The following ST3GAL2 variants were observed in gnomAD, a reference collection of about 807,000 sequenced individuals.
ST3GAL2 encodes ST3 beta-galactoside alpha-2,3-sialyltransferase 2, also known as CMP-N-acetylneuraminate-beta-galactosamide-alpha-2,3-sialyltransferase 2.
Under a neutral mutation model 37.5 loss-of-function variants are expected in ST3GAL2, and 16 were observed. The ratio of observed to expected loss-of-function variants is 0.43; its 90% confidence interval spans 0.29 to 0.65. The LOEUF (loss-of-function observed/expected upper bound fraction) is 0.65, where lower values mean the gene tolerates loss of function less well. Ranked by LOEUF, ST3GAL2 falls within the 30% of genes least tolerant of loss-of-function variation. The probability of loss-of-function intolerance (pLI) is 0.17; values close to 1 mark genes in which losing one functional copy is unlikely to be tolerated. For synonymous variants in ST3GAL2, 238 were observed against 202.9 expected (o/e 1.17, Z -1.47); for missense variants, 383 against 487.8 (o/e 0.79, Z 2.02).
At chr16:70,400,908 G>A (rs972129193) in intron 1 of ST3GAL2, 7 of 152,264 alleles carry the variant, frequency 4.6e-5, no homozygotes, top group African/African-American at 7.2e-5. Flanking sequence ...TGGCTCAAAG[G>A]TGCTTCTTCC....
At chr16:70,416,680 C>T (rs967916244) in intron 1 of ST3GAL2, among the ~76,000 whole-genome samples, 6 of 151,908 alleles carry the variant, frequency 3.9e-5, no homozygotes, top group Non-Finnish European at 7.4e-5. Flanking sequence ...TATTCTGCCC[C>T]CACTTTTCCA....
chr16:70,424,133 T>C (rs1211859424), intron 1 of ST3GAL2, among the ~76,000 whole-genome samples: 2 of 150,198 alleles, frequency 1.3e-5, no homozygotes, highest in East Asian at 2.1e-4. Context: ...ATCACAGGCA[T>C]GCGCCATGAC....
intron 1 of ST3GAL2, among the ~76,000 whole-genome samples, chr16:70,415,110 G>T (rs1002826810): frequency 6.6e-6 from 1 of 152,088 alleles, no homozygotes. Flanking sequence ...TCCTTACCTC[G>T]TGATCCACCT....
At chr16:70,401,701 A>G (rs979710834) in intron 1 of ST3GAL2, among the ~76,000 whole-genome samples, 2 of 152,060 alleles carry the variant, frequency 1.3e-5, no homozygotes, top group African/African-American at 2.4e-5. Flanking sequence ...CAATATAAAG[A>G]GCTCGGAGGA....
intron 2 of ST3GAL2, 75 bp from the exon 3 acceptor site, chr16:70,395,250 TC>T (rs1474709212): frequency 7.4e-7 from 1 of 1,351,896 alleles, no homozygotes; most frequent in East Asian, 2.4e-5. Flanking sequence ...CGGCCTCCCC[TC>T]CTCTGCCCTC....
In ST3GAL2 at chr16:70,430,476, C is replaced by T. The variant is rs1237909787; in HGVS notation, c.-1004+8473G>A. On this transcript the variant is annotated intron_variant, in intron 1 of 6. Coordinates refer to ENST00000342907, the MANE Select transcript of ST3GAL2 (RefSeq NM_006927.4). ...CTCCTTGACACAAACTATTGACCTG[C>T]TTCCCATGCCACAGCCTCTTCCCGT... Among the ~76,000 whole-genome samples, 3 of 152,226 alleles carry T rather than the reference C, an allele frequency of 2.0e-5. No individual in the cohort carries two copies. In the South Asian group the frequency reaches 6.2e-4, roughly 32 times the overall value.
intron 1 of ST3GAL2, among the ~76,000 whole-genome samples, chr16:70,405,656 G>T (rs950348269): frequency 3.9e-5 from 6 of 151,906 alleles, no homozygotes; most frequent in Non-Finnish European, 1.5e-5. Context: ...ACAGACAGTA[G>T]ATTACCAGTT....
chr16:70,408,541 G>A (rs930409422), intron 1 of ST3GAL2, among the ~76,000 whole-genome samples: 1 of 152,006 alleles, frequency 6.6e-6, no homozygotes, highest in Non-Finnish European at 1.5e-5. Flanking sequence ...GAAGTCACCC[G>A]CACTGCAACA....
At chr16:70,424,214 C>T (rs2047735334) in intron 1 of ST3GAL2, among the ~76,000 whole-genome samples, 2 of 140,256 alleles carry the variant, frequency 1.4e-5, no homozygotes, top group African/African-American at 5.2e-5. Context: ...AGACTGGTCT[C>T]GAACTCCCGA....
intron 1 of ST3GAL2, chr16:70,400,316 G>T (rs909398942): frequency 6.6e-6 from 1 of 152,360 alleles, no homozygotes; most frequent in African/African-American, 2.4e-5. Flanking sequence ...CATGCCAAGC[G>T]TGAGGGAGCC....
chr16:70,400,812 G>A (rs150426891), intron 1 of ST3GAL2: 1 of 152,386 alleles, frequency 6.6e-6, no homozygotes, highest in Non-Finnish European at 1.5e-5. Context: ...GAGATGTGGA[G>A]TTGGCTTCTC....
intron 1 of ST3GAL2, chr16:70,400,204 C>T (rs1020129540): frequency 1.3e-5 from 2 of 152,356 alleles, no homozygotes; most frequent in Non-Finnish European, 2.9e-5. Context: ...CCTGGTAGCA[C>T]TGACAGCCTG....
intron 1 of ST3GAL2, among the ~76,000 whole-genome samples, chr16:70,438,419 A>G (rs138210796): frequency 0.022 from 3,316 of 152,272 alleles, 54 homozygotes; most frequent in Non-Finnish European, 0.035. Context: ...TCCCCAAAGT[A>G]GGAAGGTCGA....
rs191158232 is a variant in ST3GAL2 at position 70,406,013 on chromosome 16, A to G, written c.-1003-6480T>C. Among the ~76,000 whole-genome samples, 972 of 151,794 alleles carry G rather than the reference A, an allele frequency of 6.4e-3. 13 individuals are homozygous for G. The highest frequency in any genetic ancestry group is 0.022 in the African/African-American group (907 of 41,342). On this transcript the variant is annotated intron_variant, in intron 1 of 6. Transcript: ENST00000342907. ...GAGGCAGAGCTTGCAGTGAGCCGAGATCATGCCACTGCACTCCGGCCTGGG... is the reference window on the plus strand; with the variant it reads ...GAGGCAGAGCTTGCAGTGAGCCGAGGTCATGCCACTGCACTCCGGCCTGGG...
chr16:70,384,716 A>C (rs1247132126), intron 4 of ST3GAL2, among the ~76,000 whole-genome samples: 1 of 150,468 alleles, frequency 6.6e-6, no homozygotes, highest in Non-Finnish European at 1.5e-5. Context: ...AAAAAAAAAA[A>C]AAAAAAAAAA....
intron 1 of ST3GAL2, among the ~76,000 whole-genome samples, chr16:70,427,966 C>T (rs756987402): frequency 3.9e-5 from 6 of 152,186 alleles, no homozygotes; most frequent in Non-Finnish European, 7.3e-5. Context: ...ATTAGATCCC[C>T]ATCTCTAATT....
intron 3 of ST3GAL2, among the ~76,000 whole-genome samples, chr16:70,394,075 G>A (rs2047499481): frequency 6.6e-6 from 1 of 152,152 alleles, no homozygotes; most frequent in Non-Finnish European, 1.5e-5. Flanking sequence ...AGCAGCCCAC[G>A]TTCAGGTCGT....
rs184339952 is a variant in ST3GAL2, at chr16:70,403,566, C to T, written c.-1003-4033G>A. Among the ~76,000 whole-genome samples the T allele has an allele frequency of 1.8e-4, 27 of 152,316 alleles. No homozygotes were observed. In the East Asian group the frequency reaches 5.0e-3, roughly 28 times the overall value. On this transcript the variant is annotated intron_variant, in intron 1 of 6. Transcript: ENST00000342907. The stretch of plus-strand genomic sequence containing the variant: ...TGAAGGCTCATGCCTGTAATCCCAA[C>T]ACTTTGGGAGGCCGAGGCGGGCGGA...
chr16:70,393,654 C>G (rs2047496549), intron 3 of ST3GAL2: 1 of 152,284 alleles, frequency 6.6e-6, no homozygotes, highest in Non-Finnish European at 1.5e-5. Flanking sequence ...AAGACCAGCT[C>G]CCATCCCATC....
Sources: gnomAD v4.1 joint callset for allele counts (sites outside exome capture counted in the v4.1 genomes callset) on GRCh38, gnomAD v4.1.1 for gene constraint, MANE v1.5 for transcripts, NCBI Gene and HGNC (gene_info 2026-07-23, HGNC 2026-07-21) for gene names.